The following ADAM15 variants were observed in gnomAD, a reference collection of about 807,000 sequenced individuals.
The protein encoded by ADAM15 is disintegrin and metalloproteinase domain-containing protein 15.
Under a neutral mutation model 113.8 loss-of-function variants are expected in ADAM15, and 77 were observed. That is an observed-to-expected ratio of 0.68 (90% CI 0.56 to 0.82). The LOEUF is 0.82. Ranked by LOEUF, ADAM15 falls within the 40% of genes least tolerant of loss-of-function variation. ADAM15 has a pLI of 0.00. For synonymous variants in ADAM15, 388 were observed against 454.1 expected, an observed-to-expected ratio of 0.85 and a Z score of 1.85; for missense variants, 963 against 1,120.1, an observed-to-expected ratio of 0.86 and a Z score of 2.00.
Position 155,061,895 on chromosome 1 carries a change from T to C in ADAM15, c.2353-9T>C. 6.6e-7 allele frequency: 1 copy of C among 1,515,410 alleles called. No homozygotes were observed. The highest frequency in any genetic ancestry group is 8.9e-7 in the Non-Finnish European group (1 of 1,129,400). 93.9% of individuals were successfully genotyped at this position (1,515,410 alleles called of 1,614,324 possible). A position where few individuals can be genotyped will look rare whatever the true frequency, so the allele number is the denominator to read the frequency against. On this transcript the variant is annotated splice_polypyrimidine_tract_variant and intron_variant, in intron 20 of 22. Transcript: ENST00000356955. ...TGCTCTCACAGCCACTGCCCCTCTC[T>C]CTGTTCAGGCTGAGCTGGCTGACCG...
At position 155,061,912 on chromosome 1, in the gene ADAM15, G is replaced by A. The variant is rs779066301; in HGVS notation, c.2361G>A (p.Leu787=). ...CCCCTCTCTCTGTTCAGGCTGAGCT[G>A]GCTGACCGACCCAATCCCCCTACCC... ...DPVSKRLQAE[L]ADRPNPPTRP... is the part of the protein sequence containing the mutation. The change falls in exon 21 of 23, where the codon CTG becomes CTA. Residue 787 remains leucine, a synonymous_variant. Coordinates refer to ENST00000356955, the MANE Select transcript of ADAM15 (RefSeq NM_207197.3). 14 of 1,536,374 alleles carry A rather than the reference G, an allele frequency of 9.1e-6. No homozygotes were observed. The highest frequency in any genetic ancestry group is 1.2e-5 in the Non-Finnish European group (14 of 1,140,018).
At chr1:155,060,984 C>A in intron 19 of ADAM15, 152 bp downstream of exon 19, 2 of 726,090 alleles carry the variant, frequency 2.8e-6, no homozygotes, top group Non-Finnish European at 4.4e-6. Flanking sequence ...CTGCCCTCCC[C>A]TCCCCTGGCT....
rs745463062 is a variant in ADAM15, at chr1:155,060,266, G to A, written c.2130G>A (p.Met710Ile). Residue 710 changes from methionine (M) to isoleucine (I), a missense_variant, in exon 18 of 23, where the codon ATG becomes ATA. Transcript: ENST00000356955. ...LSLLVLLVLVMLGASYWYRAR... is the reference protein window; with the variant it reads ...LSLLVLLVLVILGASYWYRAR... ...TCCTGGTCTTATTGGTCCTGGTGAT[G>A]CTTGGTGCCAGCTACTGGTACCGTG... is the stretch of plus-strand genomic sequence containing the variant. 4 of 1,614,072 alleles carry A rather than the reference G, an allele frequency of 2.5e-6. No homozygotes were observed. The highest frequency in any genetic ancestry group is 2.5e-6 in the Non-Finnish European group (3 of 1,179,994).
chr1:155,054,209 C>T lies in ADAM15; in HGVS notation c.402C>T (p.Cys134=), dbSNP rs1475402825. 1 of 1,605,958 alleles carries T rather than the reference C, an allele frequency of 6.2e-7. No individual in the cohort carries two copies. The highest frequency in any genetic ancestry group is 1.3e-5 in the African/African-American group (1 of 74,268). Residue 134 remains cysteine, a synonymous_variant, in exon 5 of 23, where the codon TGC becomes TGT. Transcript: ENST00000356955. The part of the protein sequence containing the change: ...RGYAGSWVSI[C]TCSGLRGLVV... ...ATGCAGGCTCCTGGGTGTCCATCTG[C>T]ACCTGCTCTGGGCTCAGGTATACTG...
intron 20 of ADAM15, 84 bp from the exon 21 acceptor site, chr1:155,061,820 G>T: frequency 7.1e-7 from 1 of 1,399,254 alleles, no homozygotes; most frequent in South Asian, 1.5e-5. Flanking sequence ...TTTGCATGTT[G>T]ACTTGAACCC....
Position 155,061,429 on chromosome 1 carries a change from C to G in ADAM15, c.2292C>G (p.Leu764=), listed in dbSNP as rs748261065. The change falls in exon 20 of 23, where the codon CTC becomes CTG. Residue 764 remains leucine (L), a synonymous_variant. Coordinates refer to ENST00000356955, the MANE Select transcript of ADAM15 (RefSeq NM_207197.3). The part of the protein sequence containing the change: ...LARGTKQASA[L]SFPAPPSRPL... Reference sequence around the variant, plus strand: ...TGCCCTCTCAGCAGGCTAGTGCTCTCAGCTTCCCGGCCCCCCCTTCCAGGC... The same window carrying G: ...TGCCCTCTCAGCAGGCTAGTGCTCTGAGCTTCCCGGCCCCCCCTTCCAGGC... 2.5e-6 allele frequency: 4 copies of G among 1,613,802 alleles called. No homozygotes were observed. In the South Asian group the frequency reaches 4.4e-5, roughly 18 times the overall value.
At chr1:155,060,716 G>A in intron 18 of ADAM15, 47 bp from the exon 19 acceptor site, 5 of 1,580,674 alleles carry the variant, frequency 3.2e-6, no homozygotes, top group Non-Finnish European at 4.3e-6. Context: ...GTAGAAAACA[G>A]GGTCTGAGGC....
At chr1:155,061,013 T>C in intron 19 of ADAM15, 181 bp downstream of exon 19, 1 of 636,142 alleles carries the variant, frequency 1.6e-6, no homozygotes, top group East Asian at 2.8e-5. Flanking sequence ...GGAAGCTGAG[T>C]CCAGAAGAGT....
chr1:155,055,546 T>A, intron 6 of ADAM15: 1 of 550,612 alleles, frequency 1.8e-6, no homozygotes, highest in Admixed American at 3.1e-5. Flanking sequence ...TTTTTAAAAA[T>A]TTGAAAAAAA....
chr1:155,058,598 T>C lies in ADAM15; in HGVS notation c.1918-112T>C. Reference sequence around the variant, plus strand: ...GGAGCAAAGTCCTATCAACTCACTATGCCTTGGTTTCCCCATCTGTAAACG... The same window carrying C: ...GGAGCAAAGTCCTATCAACTCACTACGCCTTGGTTTCCCCATCTGTAAACG... On this transcript the variant is annotated intron_variant, in intron 15 of 22. Transcript: ENST00000356955. The surrounding 1 kb of genome is among the most constrained non-coding windows in gnomAD (Gnocchi z 4.3). The C allele has an allele frequency of 6.4e-7, 1 of 1,554,172 alleles. No homozygotes were observed.
At chr1:155,060,141 C>A (rs548819264) in intron 17 of ADAM15, 64 bp from the exon 18 acceptor site, 27 of 1,599,484 alleles carry the variant, frequency 1.7e-5, no homozygotes, top group Middle Eastern at 1.7e-4. Flanking sequence ...TCCCTGCCCC[C>A]TGCGCCTTCA....
rs771336777 is a variant in ADAM15, at chr1:155,061,441, C to T, written c.2304C>T (p.Ala768=). 11 of 1,613,808 alleles carry T rather than the reference C, an allele frequency of 6.8e-6. No individual in the cohort carries two copies. The East Asian group carries it at 1.6e-4, about 23-fold the overall frequency. The change falls in exon 20 of 23, where the codon GCC becomes GCT. Residue 768 remains alanine (A), a synonymous_variant. Coordinates refer to ENST00000356955, the MANE Select transcript of ADAM15 (RefSeq NM_207197.3). ...AGGCTAGTGCTCTCAGCTTCCCGGC[C>T]CCCCCTTCCAGGCCGCTGCCGCCTG... is the stretch of plus-strand genomic sequence containing the variant. The part of the protein sequence containing the change: ...TKQASALSFP[A]PPSRPLPPDP...
chr1:155,059,229 AG>A (rs1055654681), intron 16 of ADAM15, among the ~76,000 whole-genome samples: 1 of 152,084 alleles, frequency 6.6e-6, no homozygotes, highest in African/African-American at 2.4e-5. Flanking sequence ...CACCATGCCC[AG>A]CTAATTTTTG....
rs767595662 is a variant in ADAM15 at position 155,057,936 on chromosome 1, C to T, written c.1502C>T (p.Pro501Leu). The T allele has an allele frequency of 1.9e-6, 3 of 1,612,412 alleles. No individual in the cohort carries two copies. Among genetic ancestry groups the T allele is most frequent in the African/African-American group, 2.7e-5 (2 of 74,922 alleles). ...EFCPGDSSQC[P>L]PDVSLGDGEP... The stretch of plus-strand genomic sequence containing the variant: ...TGCCCAGGAGACAGCTCCCAGTGTC[C>T]CCCTGATGTCAGCCTAGGGGATGGC... The change falls in exon 14 of 23, where the codon CCC becomes CTC. Residue 501 changes from proline (P) to leucine (L), a missense_variant. Transcript: ENST00000356955. This position sits in a 1 kb window ranked among gnomAD's most constrained non-coding sequence, Gnocchi z 5.0.
chr1:155,052,190 G>A (rs1286458140), intron 1 of ADAM15: 1 of 326,526 alleles, frequency 3.1e-6, no homozygotes, highest in African/African-American at 2.1e-5. Context: ...GTGCCTGACT[G>A]GGCATGAGGG....
chr1:155,059,953 G>T lies in ADAM15; in HGVS notation c.2047G>T (p.Asp683Tyr). The T allele has an allele frequency of 6.2e-7, 1 of 1,614,054 alleles. No homozygotes were observed. Among genetic ancestry groups the T allele is most frequent in the South Asian group, 1.1e-5 (1 of 91,074 alleles). ...CYCEEGWAPP[D>Y]CTTQLKATSS... is the part of the protein sequence containing the mutation. ...CTGTGAGGAGGGCTGGGCACCCCCT[G>T]ACTGCACCACTCAGCTCAAAGGTAG... The change falls in exon 17 of 23, where the codon GAC becomes TAC. Residue 683 changes from aspartate (D) to tyrosine (Y), a missense_variant. By Grantham distance (160) the Asp-to-Tyr change is radical. Transcript: ENST00000356955.
intron 1 of ADAM15, chr1:155,052,287 G>A: frequency 3.6e-6 from 2 of 560,740 alleles, no homozygotes; most frequent in Non-Finnish European, 6.3e-6. Flanking sequence ...GAGGGTGAGC[G>A]GGCACCCGGC....
At chr1:155,054,656 C>CTCCCATACCTAGGAGGTAGGTGCTA in intron 6 of ADAM15, 150 bp downstream of exon 6, 2 of 743,868 alleles carry the variant, frequency 2.7e-6, no homozygotes, top group Non-Finnish European at 3.9e-6. Flanking sequence ...TCGTGTACTC[C>CTCCCATACCTAGGAGGTAGGTGCTA]TCCCATACCT....
intron 17 of ADAM15, 61 bp from the exon 18 acceptor site, chr1:155,060,144 C>T (rs567171354): frequency 2.0e-5 from 32 of 1,599,264 alleles, no homozygotes; most frequent in Middle Eastern, 1.7e-4. Context: ...CTGCCCCCTG[C>T]GCCTTCATGG....
Sources: gnomAD v4.1 joint callset for allele counts (sites outside exome capture counted in the v4.1 genomes callset) on GRCh38, gnomAD v4.1.1 for gene constraint, Gnocchi (gnomAD v3.1) non-coding constraint, MANE v1.5 for transcripts, NCBI Gene and HGNC (gene_info 2026-07-23, HGNC 2026-07-21) for gene names.